DNMT3A: variants seen among roughly 807,000 people sequenced by gnomAD.
DNMT3A encodes the protein DNA (cytosine-5)-methyltransferase 3A.
In DNMT3A, 267 loss-of-function variants were observed where a neutral mutation model predicts 117.6. That is an observed-to-expected ratio of 2.27 (90% CI 2.05 to 2.51). The LOEUF (loss-of-function observed/expected upper bound fraction) is 2.51, where lower values mean the gene tolerates loss of function less well. Ranked by LOEUF, DNMT3A falls within the 30% of genes most tolerant of loss-of-function variation. The pLI is 0.00. For synonymous variants in DNMT3A, 432 were observed against 474.8 expected, an observed-to-expected ratio of 0.91 and a Z score of 1.17; for missense variants, 1,029 against 1,260.2, an observed-to-expected ratio of 0.82 and a Z score of 2.78.
At position 25,281,981 on chromosome 2, in the gene DNMT3A, G is replaced by A; in HGVS notation, c.448+460C>T. ...CTGCCCTTGAGTGCCCAGGCCAGGG[G>A]CTACAAATACAGCAACCCCCAGGAA... On this transcript the variant is annotated intron_variant, in intron 4 of 22. Transcript: ENST00000321117. The surrounding 1 kb of genome is among the most constrained non-coding windows in gnomAD (Gnocchi z 4.8). 1 of 1,096,188 alleles carries A rather than the reference G, an allele frequency of 9.1e-7. No individual in the cohort carries two copies. The highest frequency in any genetic ancestry group is 1.1e-6 in the Non-Finnish European group (1 of 897,618). 67.9% of individuals were successfully genotyped at this position (1,096,188 alleles called of 1,614,324 possible).
rs966949269 is a variant in DNMT3A, at chr2:25,236,849, C to T, written c.2478+87G>A. On this transcript the variant is annotated intron_variant, in intron 21 of 22. Transcript: ENST00000321117. This position sits in a 1 kb window ranked among gnomAD's most constrained non-coding sequence, Gnocchi z 4.5. ...TCTCCACACTAGCTGGAGAAGCAGG[C>T]GGGACAAGGCCCTGGCCACCGCTCC... The T allele has an allele frequency of 5.7e-5, 78 of 1,374,360 alleles. No homozygotes were observed. The highest frequency in any genetic ancestry group is 5.0e-4 in the African/African-American group (35 of 69,630). 85.1% of individuals were successfully genotyped at this position (1,374,360 alleles called of 1,614,324 possible). A position where few individuals can be genotyped will look rare whatever the true frequency, so the allele number is the denominator to read the frequency against.
In DNMT3A at chr2:25,306,679, C is replaced by T. The variant is rs1410892896; in HGVS notation, c.73-6436G>A. On this transcript the variant is annotated intron_variant, in intron 2 of 22. Coordinates refer to ENST00000321117, the MANE Select transcript of DNMT3A (RefSeq NM_022552.5). This position sits in a 1 kb window ranked among gnomAD's most constrained non-coding sequence, Gnocchi z 4.1. Reference sequence around the variant, plus strand: ...GAGGTGCAGGGTGGGCCAGACCTCACACCCACGAGCAGCACACCTCAGCCC... The same window carrying T: ...GAGGTGCAGGGTGGGCCAGACCTCATACCCACGAGCAGCACACCTCAGCCC... Among the ~76,000 whole-genome samples, 3 of 152,214 alleles carry T rather than the reference C, an allele frequency of 2.0e-5. No individual in the cohort carries two copies. Among genetic ancestry groups the T allele is most frequent in the African/African-American group, 4.8e-5 (2 of 41,448 alleles).
chr2:25,275,013 G>A lies in DNMT3A; in HGVS notation c.567C>T (p.Thr189=), dbSNP rs776053411. ...SLRQRPMPRL[T]FQAGDPYYIS... is the part of the protein sequence containing the mutation. ...TGTAGTAGGGGTCCCCCGCCTGGAA[G>A]GTGAGCCTCGGCATGGGCCGCTGAC... Residue 189 remains threonine, a synonymous_variant, in exon 6 of 23, where the codon ACC becomes ACT. Transcript: ENST00000321117. 9.9e-6 allele frequency: 16 copies of A among 1,612,910 alleles called. No homozygotes were observed. The highest frequency in any genetic ancestry group is 1.7e-4 in the Middle Eastern group (1 of 6,004).
intron 20 of DNMT3A, among the ~76,000 whole-genome samples, chr2:25,238,607 T>A (rs975369400): frequency 6.6e-6 from 1 of 152,256 alleles, no homozygotes; most frequent in East Asian, 1.9e-4. Flanking sequence ...TTAAAATCTT[T>A]ATCTGTGTAA....
Position 25,257,260 on chromosome 2 carries a change from G to T in DNMT3A, c.640-9008C>A, listed in dbSNP as rs951113170. Among the ~76,000 whole-genome samples the T allele has an allele frequency of 6.6e-6, 1 of 152,204 alleles. No homozygotes were observed. The highest frequency in any genetic ancestry group is 1.5e-5 in the Non-Finnish European group (1 of 68,026). The stretch of plus-strand genomic sequence containing the variant: ...GGGGGAAGGTGTCAGATGTGCACCC[G>T]GAGAGCAGAGGGGTCCAAAGGCTCG... On this transcript the variant is annotated intron_variant, in intron 6 of 22. Coordinates refer to ENST00000321117, the MANE Select transcript of DNMT3A (RefSeq NM_022552.5). The surrounding 1 kb of genome is among the most constrained non-coding windows in gnomAD (Gnocchi z 4.8).
At chr2:25,288,298 G>A (rs1489112992) in intron 3 of DNMT3A, among the ~76,000 whole-genome samples, 1 of 151,932 alleles carries the variant, frequency 6.6e-6, no homozygotes, top group Non-Finnish European at 1.5e-5. Context: ...GCCAGGCGTG[G>A]TAGCAGGCGC....
chr2:25,255,135 G>A (rs527270080), intron 6 of DNMT3A, among the ~76,000 whole-genome samples: 8 of 152,256 alleles, frequency 5.3e-5, no homozygotes, highest in African/African-American at 7.2e-5. Context: ...AGACTGAGTC[G>A]CTTAAACAGA....
At chr2:25,275,233 G>A (rs1211685838) in intron 5 of DNMT3A, 146 bp from the exon 6 acceptor site, 3 of 1,246,622 alleles carry the variant, frequency 2.4e-6, no homozygotes, top group Non-Finnish European at 3.2e-6. Context: ...GTGTGGGCTG[G>A]AGGAGCGAGG....
At chr2:25,303,263 G>T (rs2149411466) in intron 2 of DNMT3A, among the ~76,000 whole-genome samples, 1 of 152,320 alleles carries the variant, frequency 6.6e-6, no homozygotes, top group South Asian at 2.1e-4. Flanking sequence ...ACACAGCAAT[G>T]ACCTAAAAAT....
chr2:25,310,032 G>A (rs1286876093), intron 2 of DNMT3A, among the ~76,000 whole-genome samples: 2 of 152,150 alleles, frequency 1.3e-5, no homozygotes, highest in Non-Finnish European at 2.9e-5. Context: ...CTCCAGCCTG[G>A]GCAACAGAGC....
intron 6 of DNMT3A, among the ~76,000 whole-genome samples, chr2:25,263,693 C>T (rs1346580390): frequency 6.6e-6 from 1 of 152,234 alleles, no homozygotes; most frequent in East Asian, 1.9e-4. Context: ...GCTTTGTCAG[C>T]CCCATAGACA....
chr2:25,251,161 G>A lies in DNMT3A; in HGVS notation c.640-2909C>T, dbSNP rs1465642784. On this transcript the variant is annotated intron_variant, in intron 6 of 22. Coordinates refer to ENST00000321117, the MANE Select transcript of DNMT3A (RefSeq NM_022552.5). ...GTGGGGGAAGGAAGAAGCGGGGGGG[G>A]GGGTGGGTGAGCAGCAGGGGGCCTG... Among the ~76,000 whole-genome samples, 3 of 142,262 alleles carry A rather than the reference G, an allele frequency of 2.1e-5. No individual in the cohort carries two copies. In the East Asian group the frequency reaches 6.8e-4, roughly 32 times the overall value. The allele number at this position is 142,262 out of a possible 152,430, so 93.3% of individuals were successfully genotyped here.
In DNMT3A at chr2:25,241,632, G is replaced by A. The variant is rs1674047402; in HGVS notation, c.2012C>T (p.Thr671Met). ...CCCCTGGTGCCGCACCATGCCCACC[G>A]TGATGGAGTCCTCACACACCTCCGA... Reference protein sequence around the residue: ...IASEVCEDSITVGMVRHQGKI... With the variant: ...IASEVCEDSIMVGMVRHQGKI... The change falls in exon 17 of 23, where the codon ACG becomes ATG. Residue 671 changes from threonine (T) to methionine (M), a missense_variant. Coordinates refer to ENST00000321117, the MANE Select transcript of DNMT3A (RefSeq NM_022552.5). 2 of 1,614,156 alleles carry A rather than the reference G, an allele frequency of 1.2e-6. No individual in the cohort carries two copies. The highest frequency in any genetic ancestry group is 1.1e-5 in the South Asian group (1 of 91,068).
intron 5 of DNMT3A, 93 bp downstream of exon 5, chr2:25,275,407 G>A (rs1225544698): frequency 4.1e-6 from 6 of 1,475,776 alleles, no homozygotes; most frequent in Non-Finnish European, 5.5e-6. Context: ...AGAAGGAGGA[G>A]GGGCCCACCC....
At chr2:25,335,519 A>G (rs1458981727) in intron 1 of DNMT3A, among the ~76,000 whole-genome samples, 1 of 152,210 alleles carries the variant, frequency 6.6e-6, no homozygotes, top group African/African-American at 2.4e-5. Context: ...ATGCAAATCT[A>G]ACCCACACCC....
rs528859960 is a variant in DNMT3A, at chr2:25,269,031, G to A, written c.639+5910C>T. The stretch of plus-strand genomic sequence containing the variant: ...GATTGAGTGCTAAGTAATATTAACC[G>A]TAAGGACAGTCTGAGTGCAGTGGCT... On this transcript the variant is annotated intron_variant, in intron 6 of 22. Transcript: ENST00000321117. Among the ~76,000 whole-genome samples, 105 of 152,336 alleles carry A rather than the reference G, an allele frequency of 6.9e-4. 1 individual carries two copies. Among genetic ancestry groups the A allele is most frequent in the Admixed American group, 2.2e-3 (34 of 15,308 alleles).
At chr2:25,280,300 T>TCCCCCCCCC (rs2031786714) in intron 4 of DNMT3A, among the ~76,000 whole-genome samples, 1 of 42,950 alleles carries the variant, frequency 2.3e-5, no homozygotes, top group Admixed American at 2.0e-4. Flanking sequence ...ACTCCCCGCC[T>TCCCCCCCCC]CCCCACCCCC....
At chr2:25,283,215 A>G (rs2032023530) in intron 3 of DNMT3A, among the ~76,000 whole-genome samples, 1 of 152,070 alleles carries the variant, frequency 6.6e-6, no homozygotes, top group Non-Finnish European at 1.5e-5. Flanking sequence ...ATACAAAGTT[A>G]GTTGGGGATG....
intron 3 of DNMT3A, among the ~76,000 whole-genome samples, chr2:25,284,992 T>C (rs976091915): frequency 6.6e-6 from 1 of 152,188 alleles, no homozygotes. Context: ...TGCTCCAAAA[T>C]GTATGCATGC....
Sources: allele counts gnomAD v4.1 joint callset (sites outside exome capture counted in the v4.1 genomes callset), GRCh38; gene constraint gnomAD v4.1.1; non-coding constraint Gnocchi (gnomAD v3.1); transcripts MANE v1.5; gene names NCBI Gene and HGNC (gene_info 2026-07-23, HGNC 2026-07-21).